RAD51B: variants seen among roughly 807,000 people sequenced by gnomAD.
RAD51B encodes RAD51 paralog B.
Under a neutral mutation model 42.2 loss-of-function variants are expected in RAD51B, and 38 were observed. The observed-to-expected ratio is 0.90, with a 90% confidence interval of 0.70 to 1.18. The LOEUF (loss-of-function observed/expected upper bound fraction) is 1.18. Among genes scored for constraint, RAD51B ranks in the 50% most tolerant of loss-of-function variants. The probability of loss-of-function intolerance (pLI) is 0.00; values close to 1 mark genes in which losing one functional copy is unlikely to be tolerated. For missense variants in RAD51B, 373 were observed against 400.7 expected, an observed-to-expected ratio of 0.93 and a Z score of 0.59; for synonymous variants, 154 against 145.2, an observed-to-expected ratio of 1.06 and a Z score of -0.43.
At chr14:68,054,462 A>G (rs376293176) in intron 7 of RAD51B, among the ~76,000 whole-genome samples, 1 of 152,314 alleles carries the variant, frequency 6.6e-6, no homozygotes, top group Admixed American at 6.5e-5. Context: ...ATTCATATTG[A>G]TAACTACAAT....
chr14:68,028,104 T>C (rs888225295), intron 7 of RAD51B, among the ~76,000 whole-genome samples: 3 of 152,312 alleles, frequency 2.0e-5, no homozygotes, highest in African/African-American at 7.2e-5. Flanking sequence ...CAAAATATTT[T>C]TGGTGGTGTA....
At chr14:67,928,634 A>T (rs1425264409) in intron 7 of RAD51B, among the ~76,000 whole-genome samples, 1 of 152,048 alleles carries the variant, frequency 6.6e-6, no homozygotes, top group Non-Finnish European at 1.5e-5. Flanking sequence ...TGTGGTGACA[A>T]GGAGAAGAGG....
chr14:68,622,786 C>T (rs750392539), intron 10 of RAD51B, among the ~76,000 whole-genome samples: 2 of 149,586 alleles, frequency 1.3e-5, no homozygotes, highest in South Asian at 2.1e-4. Context: ...GTGTTATGGA[C>T]GTGCTATGTG....
rs34896931 is a variant in RAD51B at position 67,865,023 on chromosome 14, T to C, written c.336T>C (p.Cys112=). 9.0e-7 allele frequency: 1 copy of C among 1,116,344 alleles called. No homozygotes were observed. Among genetic ancestry groups the C allele is most frequent in the African/African-American group, 1.8e-5 (1 of 56,358 alleles). The allele number at this position is 1,116,344 out of a possible 1,614,324, so 69.2% of individuals were successfully genotyped here. Residue 112 remains cysteine, a synonymous_variant, in exon 5 of 11, where the codon TGT becomes TGC. Transcript: ENST00000471583. ...SLTEITGPPG[C]GKTQFCIMMS... ...TTTAGATTACAGGTCCACCAGGTTG[T>C]GGAAAAACTCAGTTTTGTATAATGA...
At chr14:68,594,694 G>T (rs779458173) in exon 11 of RAD51B, 4 of 1,275,480 alleles carry the variant, frequency 3.1e-6, no homozygotes, top group East Asian at 3.8e-5. Flanking sequence ...CTCCCAAAGC[G>T]CTAGGATTAC....
chr14:68,300,392 T>C (rs2081703477), intron 8 of RAD51B, among the ~76,000 whole-genome samples: 1 of 152,038 alleles, frequency 6.6e-6, no homozygotes, highest in Non-Finnish European at 1.5e-5. Flanking sequence ...TTTTGTTTTG[T>C]AGAGACAGGG....
At chr14:68,227,077 G>A (rs1057441542) in intron 7 of RAD51B, among the ~76,000 whole-genome samples, 2 of 152,180 alleles carry the variant, frequency 1.3e-5, no homozygotes, top group African/African-American at 4.8e-5. Flanking sequence ...ATCTTTCCAG[G>A]CATGTAGATG....
At chr14:68,624,933 T>TGGAGCTAAGGGGTCACTTTGCCAGGA (rs1892042257) in intron 10 of RAD51B, among the ~76,000 whole-genome samples, 2 of 152,116 alleles carry the variant, frequency 1.3e-5, no homozygotes, top group African/African-American at 4.8e-5. Flanking sequence ...GTGCCACACA[T>TGGAGCTAAGGGGTCACTTTGCCAGGA]GGAGCTAAGG....
intron 7 of RAD51B, among the ~76,000 whole-genome samples, chr14:68,083,838 C>T (rs1380616828): frequency 6.6e-6 from 1 of 151,910 alleles, no homozygotes; most frequent in East Asian, 1.9e-4. Flanking sequence ...CAAGTACAAG[C>T]GACAATAAAA....
At chr14:68,063,621 A>G (rs959473834) in intron 7 of RAD51B, among the ~76,000 whole-genome samples, 2 of 152,218 alleles carry the variant, frequency 1.3e-5, no homozygotes, top group African/African-American at 4.8e-5. Flanking sequence ...CTGTGGTCCC[A>G]GCTACTCAGG....
intron 7 of RAD51B, among the ~76,000 whole-genome samples, chr14:67,895,216 T>C (rs543344954): frequency 6.6e-5 from 10 of 152,370 alleles, no homozygotes; most frequent in Admixed American, 2.6e-4. Flanking sequence ...TCTTAGTCTT[T>C]AGCGTTACTT....
At chr14:68,471,874 G>A (rs1482837083) in intron 10 of RAD51B, among the ~76,000 whole-genome samples, 1 of 152,142 alleles carries the variant, frequency 6.6e-6, no homozygotes, top group Non-Finnish European at 1.5e-5. Context: ...GGCCCCAAAG[G>A]AGAGGGAGCT....
chr14:68,087,917 A>ATATTATATATAATTATATAATATAT (rs2077016152), intron 7 of RAD51B, among the ~76,000 whole-genome samples: 1 of 80,470 alleles, frequency 1.2e-5, no homozygotes, highest in East Asian at 2.8e-4. Flanking sequence ...ATTATATAAT[A>ATATTATATATAATTATATAATATAT]TATTATATAT....
At chr14:68,578,495 A>G (rs990977935) in intron 10 of RAD51B, among the ~76,000 whole-genome samples, 4 of 152,226 alleles carry the variant, frequency 2.6e-5, no homozygotes, top group African/African-American at 9.6e-5. Context: ...TGGAGGTTTC[A>G]GAATCTGCCG....
chr14:68,038,031 A>T (rs2076161121), intron 7 of RAD51B, among the ~76,000 whole-genome samples: 1 of 152,248 alleles, frequency 6.6e-6, no homozygotes, highest in African/African-American at 2.4e-5. Flanking sequence ...AACTGCTTTT[A>T]GCTTTGCAAC....
At chr14:68,273,776 T>C (rs2081168206) in intron 7 of RAD51B, among the ~76,000 whole-genome samples, 1 of 152,178 alleles carries the variant, frequency 6.6e-6, no homozygotes, top group South Asian at 2.1e-4. Flanking sequence ...AGCCTCGAAC[T>C]CCTGGGCTCA....
intron 7 of RAD51B, among the ~76,000 whole-genome samples, chr14:68,221,088 A>G (rs1252797326): frequency 1.3e-5 from 2 of 152,198 alleles, no homozygotes; most frequent in Non-Finnish European, 2.9e-5. Flanking sequence ...AGATCACGCC[A>G]CTGCACTCAA....
At chr14:68,108,647 C>T (rs1358341798) in intron 7 of RAD51B, among the ~76,000 whole-genome samples, 1 of 151,708 alleles carries the variant, frequency 6.6e-6, no homozygotes, top group Non-Finnish European at 1.5e-5. Flanking sequence ...TAATGAGTAT[C>T]GGGTTTCTTT....
At chr14:68,544,604 TAATGA>T (rs1304534679) in intron 10 of RAD51B, among the ~76,000 whole-genome samples, 1 of 152,148 alleles carries the variant, frequency 6.6e-6, no homozygotes, top group African/African-American at 2.4e-5. Context: ...GAGATAGGAC[TAATGA>T]AATGCTCAGG....
Sources: gnomAD v4.1 joint callset for allele counts (sites outside exome capture counted in the v4.1 genomes callset) on GRCh38, gnomAD v4.1.1 for gene constraint, MANE v1.5 for transcripts, NCBI Gene and HGNC (gene_info 2026-07-23, HGNC 2026-07-21) for gene names.